ANKFY1: variants seen among roughly 807,000 people sequenced by gnomAD.
ANKFY1 encodes the protein ankyrin repeat and FYVE domain containing 1.
A neutral mutation model predicts 128.3 loss-of-function variants in ANKFY1; 47 were observed. That is an observed-to-expected ratio of 0.37 (90% confidence interval 0.29 to 0.47). The LOEUF is 0.47. Ranked by LOEUF, ANKFY1 falls within the 20% of genes least tolerant of loss-of-function variation. The probability of loss-of-function intolerance (pLI) is 1.00; values close to 1 mark genes in which losing one functional copy is unlikely to be tolerated. For missense variants in ANKFY1, 1,222 were observed against 1,510.6 expected (o/e 0.81, Z 3.17); for synonymous variants, 553 against 601.6 (o/e 0.92, Z 1.18).
intron 3 of ANKFY1, chr17:4,223,000 C>T (rs1203285080): frequency 1.2e-6 from 1 of 864,154 alleles, no homozygotes; most frequent in Non-Finnish European, 2.0e-6. Flanking sequence ...AAGGATATAG[C>T]AATATCCAGG....
At chr17:4,207,409 C>G (rs1429458950) in intron 6 of ANKFY1, among the ~76,000 whole-genome samples, 23 of 152,132 alleles carry the variant, frequency 1.5e-4, no homozygotes, top group Admixed American at 1.2e-3. Flanking sequence ...TGACAGCCAG[C>G]AAGAAAATGG....
At chr17:4,194,515 G>A (rs1598050034) in intron 10 of ANKFY1, 1 of 108,934 alleles carries the variant, frequency 9.2e-6, no homozygotes, top group Non-Finnish European at 1.7e-5. Context: ...ACCTACCCAT[G>A]TTTTATGCAT....
intron 3 of ANKFY1, among the ~76,000 whole-genome samples, chr17:4,229,063 GTACC>G (rs1425247325): frequency 6.6e-6 from 1 of 152,062 alleles, no homozygotes; most frequent in Non-Finnish European, 1.5e-5. Flanking sequence ...AATGAAAACA[GTACC>G]TACCAAAATA....
intron 20 of ANKFY1, 130 bp from the exon 21 acceptor site, chr17:4,173,574 A>G (rs2059361887): frequency 2.4e-6 from 2 of 847,506 alleles, no homozygotes; most frequent in African/African-American, 1.7e-5. Flanking sequence ...GCACAGAGCC[A>G]TCCTTTCTGG....
intron 20 of ANKFY1, 111 bp downstream of exon 20, chr17:4,173,798 G>T: frequency 7.2e-7 from 1 of 1,396,024 alleles, no homozygotes; most frequent in Non-Finnish European, 9.8e-7. Flanking sequence ...TCACAGCTTT[G>T]CTCCTGTAAA....
chr17:4,236,160 G>C (rs372137168), intron 2 of ANKFY1, among the ~76,000 whole-genome samples: 1 of 152,230 alleles, frequency 6.6e-6, no homozygotes, highest in South Asian at 2.1e-4. Context: ...GGATTCTTAC[G>C]GTGGTGAACC....
At chr17:4,261,641 G>A (rs968049185) in intron 1 of ANKFY1, among the ~76,000 whole-genome samples, 5 of 152,250 alleles carry the variant, frequency 3.3e-5, no homozygotes, top group Admixed American at 1.3e-4. Context: ...CTTGCCGGAT[G>A]ATGAGTATGC....
chr17:4,193,151 C>T lies in ANKFY1; in HGVS notation c.1372+1827G>A, dbSNP rs543488698. Among the ~76,000 whole-genome samples the T allele has an allele frequency of 9.2e-5, 14 of 152,312 alleles. No individual in the cohort carries two copies. The South Asian group carries it at 2.9e-3, about 32-fold the overall frequency. On this transcript the variant is annotated intron_variant, in intron 10 of 24. Coordinates refer to ENST00000341657, the MANE Select transcript of ANKFY1 (RefSeq NM_001330063.2). ...TAATGAACAAGCTTGATTTAATGCA[C>T]ATAGAGAATGCTGCATCCTATAATT...
chr17:4,251,936 A>G (rs1967855592), intron 1 of ANKFY1, among the ~76,000 whole-genome samples: 1 of 151,290 alleles, frequency 6.6e-6, no homozygotes, highest in African/African-American at 2.4e-5. Context: ...AGGGAGGATG[A>G]GGCAGGGGAA....
chr17:4,257,823 C>G (rs146253908), intron 1 of ANKFY1, among the ~76,000 whole-genome samples: 1 of 152,358 alleles, frequency 6.6e-6, no homozygotes. Flanking sequence ...ATGGTTATCT[C>G]CTCCTCCCGA....
intron 7 of ANKFY1, among the ~76,000 whole-genome samples, chr17:4,203,137 C>T (rs1365994894): frequency 6.6e-6 from 1 of 151,982 alleles, no homozygotes; most frequent in Non-Finnish European, 1.5e-5. Flanking sequence ...AGGGAGGGAA[C>T]AGAAAATGTC....
At chr17:4,241,630 C>T (rs563770990) in intron 2 of ANKFY1, among the ~76,000 whole-genome samples, 3 of 152,158 alleles carry the variant, frequency 2.0e-5, no homozygotes, top group Admixed American at 6.5e-5. Context: ...CATCATGATG[C>T]ACTCTCCAAC....
intron 3 of ANKFY1, among the ~76,000 whole-genome samples, chr17:4,218,744 G>A (rs554001391): frequency 3.2e-4 from 49 of 152,260 alleles, no homozygotes; most frequent in Non-Finnish European, 4.3e-4. Context: ...CATTAGTGGC[G>A]GCATGTGTCT....
intron 3 of ANKFY1, among the ~76,000 whole-genome samples, chr17:4,232,952 A>G (rs1394209998): frequency 6.6e-6 from 1 of 152,142 alleles, no homozygotes; most frequent in Non-Finnish European, 1.5e-5. Context: ...ACTGAGGAAC[A>G]TTAACACTGT....
At chr17:4,194,841 G>C in intron 10 of ANKFY1, 137 bp downstream of exon 10, 1 of 792,044 alleles carries the variant, frequency 1.3e-6, no homozygotes, top group South Asian at 1.8e-5. Flanking sequence ...GGCTTTTACT[G>C]TATATAAAAT....
chr17:4,207,170 A>T (rs1440165922), intron 6 of ANKFY1, among the ~76,000 whole-genome samples: 1 of 150,120 alleles, frequency 6.7e-6, no homozygotes, highest in East Asian at 1.9e-4. Context: ...CTAACCACAG[A>T]GGGCCCGATC....
chr17:4,170,699 A>G lies in ANKFY1; in HGVS notation c.3286+16T>C. 2 of 1,598,452 alleles carry G rather than the reference A, an allele frequency of 1.3e-6. No homozygotes were observed. Among genetic ancestry groups the G allele is most frequent in the Non-Finnish European group, 1.7e-6 (2 of 1,171,796 alleles). On this transcript the variant is annotated intron_variant, in intron 23 of 24. Coordinates refer to ENST00000341657, the MANE Select transcript of ANKFY1 (RefSeq NM_001330063.2). ...GACTGTGCTTGCACTGTGAGAGCAG[A>G]GAGCGGGCCACTCACCCAGCAGTCG...
At chr17:4,217,834 T>C (rs932835355) in intron 3 of ANKFY1, among the ~76,000 whole-genome samples, 3 of 151,982 alleles carry the variant, frequency 2.0e-5, no homozygotes, top group Non-Finnish European at 4.4e-5. Flanking sequence ...CGCAGGTGCA[T>C]GCTAGCATAC....
intron 1 of ANKFY1, among the ~76,000 whole-genome samples, chr17:4,252,941 G>T (rs1194803886): frequency 1.3e-5 from 2 of 152,264 alleles, no homozygotes; most frequent in African/African-American, 4.8e-5. Context: ...AGGCAAAAAA[G>T]ACTACATACT....
Sources: allele counts gnomAD v4.1 joint callset (sites outside exome capture counted in the v4.1 genomes callset), GRCh38; gene constraint gnomAD v4.1.1; transcripts MANE v1.5; gene names NCBI Gene and HGNC (gene_info 2026-07-23, HGNC 2026-07-21).